The following CFAP47 variants were observed in gnomAD, a reference collection of about 807,000 sequenced individuals.
The protein encoded by CFAP47 is cilia and flagella associated protein 47, also known as cilia- and flagella-associated protein 47.
CFAP47 carries 29 observed loss-of-function variants against 148.1 expected under a neutral mutation model. That is an observed-to-expected ratio of 0.20 (90% CI 0.15 to 0.27). CFAP47 has a LOEUF of 0.27. Ranked by LOEUF, CFAP47 falls within the 10% of genes least tolerant of loss-of-function variation. The probability of loss-of-function intolerance (pLI) is 1.00; values close to 1 mark genes in which losing one functional copy is unlikely to be tolerated. For synonymous variants in CFAP47, 664 were observed against 577.3 expected, an observed-to-expected ratio of 1.15 and a Z score of -2.15; for missense variants, 1,872 against 1,697.5, an observed-to-expected ratio of 1.10 and a Z score of -1.81.
At chrX:36,224,746 C>A (rs919336003) in intron 45 of CFAP47, among the ~76,000 whole-genome samples, 1 of 111,596 alleles carries the variant, frequency 9.0e-6, no homozygotes, top group East Asian at 2.8e-4. Context: ...CCAGGTAGTA[C>A]CATGTGGAGA....
chrX:36,293,491 G>T (rs1941212308), intron 51 of CFAP47, among the ~76,000 whole-genome samples: 1 of 112,105 alleles, frequency 8.9e-6, no homozygotes, highest in Admixed American at 9.5e-5. Flanking sequence ...TTCCTTTTTA[G>T]GGACTCAGAG....
chrX:36,223,978 C>G (rs1940242015), intron 45 of CFAP47, among the ~76,000 whole-genome samples: 1 of 110,440 alleles, frequency 9.1e-6, no homozygotes, highest in African/African-American at 3.3e-5. Context: ...AATACATGTA[C>G]CTCCCTGTAT....
At chrX:35,948,882 A>G (rs760805249) in intron 4 of CFAP47, among the ~76,000 whole-genome samples, 2 of 109,025 alleles carry the variant, frequency 1.8e-5, no homozygotes, top group South Asian at 8.1e-4. Flanking sequence ...AGCAAGTAAC[A>G]TACTGGAAAT....
At chrX:36,115,308 T>C (rs1179764523) in intron 33 of CFAP47, among the ~76,000 whole-genome samples, 1 of 112,093 alleles carries the variant, frequency 8.9e-6, no homozygotes, top group Non-Finnish European at 1.9e-5. Flanking sequence ...ATCACAAAAA[T>C]ATTGAATATT....
intron 15 of CFAP47, among the ~76,000 whole-genome samples, chrX:35,984,178 G>A (rs1936683937): frequency 9.0e-6 from 1 of 111,295 alleles, no homozygotes; most frequent in Non-Finnish European, 1.9e-5. Context: ...TTTCTTTCTG[G>A]TTCAATAATG....
intron 59 of CFAP47, among the ~76,000 whole-genome samples, chrX:36,351,511 A>T (rs1941742708): frequency 9.0e-6 from 1 of 111,707 alleles, no homozygotes; most frequent in Non-Finnish European, 1.9e-5. Context: ...CTGCAGACAG[A>T]TTCATTTTAT....
At chrX:36,211,567 A>C (rs1366876384) in intron 45 of CFAP47, 1 of 298,343 alleles carries the variant, frequency 3.4e-6, no homozygotes, top group Admixed American at 3.7e-5. Flanking sequence ...GTGAAGCTGA[A>C]GGAAAAATAC....
At chrX:36,227,919 C>T (rs1940289381) in intron 45 of CFAP47, among the ~76,000 whole-genome samples, 1 of 111,393 alleles carries the variant, frequency 9.0e-6, no homozygotes, top group Admixed American at 9.6e-5. Context: ...AGTGGTGTTG[C>T]CTGAAAGGAA....
At chrX:36,045,878 G>T (rs888000879) in intron 25 of CFAP47, among the ~76,000 whole-genome samples, 1 of 111,643 alleles carries the variant, frequency 9.0e-6, no homozygotes, top group Non-Finnish European at 1.9e-5. Context: ...ATAATGAAAT[G>T]AATATGAGAG....
intron 44 of CFAP47, among the ~76,000 whole-genome samples, chrX:36,202,577 C>G (rs1359452401): frequency 9.0e-6 from 1 of 111,548 alleles, no homozygotes; most frequent in Non-Finnish European, 1.9e-5. Flanking sequence ...CTTCAGGTGT[C>G]TGTTAAAGTG....
intron 60 of CFAP47, among the ~76,000 whole-genome samples, chrX:36,356,306 T>C (rs1350922781): frequency 9.0e-6 from 1 of 111,687 alleles, no homozygotes; most frequent in East Asian, 2.8e-4. Context: ...ACCACCACAC[T>C]CAACAAGCTC....
At chrX:36,179,020 C>G (rs890372642) in intron 39 of CFAP47, among the ~76,000 whole-genome samples, 4 of 112,022 alleles carry the variant, frequency 3.6e-5, no homozygotes, top group Non-Finnish European at 7.5e-5. Flanking sequence ...ATGTGTAAGA[C>G]CAGTGTGATA....
intron 51 of CFAP47, among the ~76,000 whole-genome samples, chrX:36,288,999 C>CTTTTTTTTTTTTTTTTT (rs34230885): frequency 1.5e-5 from 1 of 66,471 alleles, no homozygotes; most frequent in African/African-American, 6.0e-5. Flanking sequence ...TTCTTTCATC[C>CTTTTTTTTTTTTTTTTT]TTTTTTTTTT....
At chrX:36,089,340 G>T (rs1165397786) in intron 30 of CFAP47, among the ~76,000 whole-genome samples, 1 of 110,406 alleles carries the variant, frequency 9.1e-6, no homozygotes, top group Non-Finnish European at 1.9e-5. Context: ...CTGTACTCCA[G>T]CCTGGGCAAC....
chrX:36,343,067 G>A (rs1487691409), intron 57 of CFAP47, among the ~76,000 whole-genome samples: 1 of 111,316 alleles, frequency 9.0e-6, no homozygotes, highest in Non-Finnish European at 1.9e-5. Context: ...GCAGTGTTTG[G>A]CTTTCTGTTC....
chrX:36,165,079 A>G (rs1283586423), intron 39 of CFAP47, among the ~76,000 whole-genome samples: 2 of 111,938 alleles, frequency 1.8e-5, no homozygotes, highest in African/African-American at 3.2e-5. Flanking sequence ...TATTTCACTT[A>G]GCATAATGTC....
chrX:36,275,271 G>T (rs1411974928), intron 49 of CFAP47, among the ~76,000 whole-genome samples: 1 of 109,040 alleles, frequency 9.2e-6, no homozygotes, highest in African/African-American at 3.3e-5. Flanking sequence ...ACGGGATTTT[G>T]CCATGTTGCT....
At chrX:36,331,134 TA>T (rs1250939838) in intron 57 of CFAP47, among the ~76,000 whole-genome samples, 1 of 111,920 alleles carries the variant, frequency 8.9e-6, no homozygotes, top group Non-Finnish European at 1.9e-5. Flanking sequence ...TTGCTTTTGT[TA>T]AAAAAATCAG....
intron 45 of CFAP47, 60 bp from the exon 46 acceptor site, chrX:36,228,568 C>A: frequency 2.0e-6 from 1 of 500,885 alleles, no homozygotes; most frequent in South Asian, 2.8e-5. Flanking sequence ...TATTGCTTAC[C>A]AAGATGAATT....
Sources: gnomAD v4.1 joint callset for allele counts (sites outside exome capture counted in the v4.1 genomes callset) on GRCh38, gnomAD v4.1.1 for gene constraint, MANE v1.5 for transcripts, NCBI Gene and HGNC (gene_info 2026-07-23, HGNC 2026-07-21) for gene names.